Variants in UNC5D observed in about 807,000 individuals in gnomAD.
UNC5D encodes unc-5 netrin receptor D.
A neutral mutation model predicts 105.4 loss-of-function variants in UNC5D; 39 were observed. The ratio of observed to expected loss-of-function variants is 0.37; its 90% CI spans 0.29 to 0.48. UNC5D has a LOEUF of 0.48. Among genes scored for constraint, UNC5D ranks in the 20% least tolerant of loss-of-function variants. UNC5D has a pLI of 0.98. For missense variants in UNC5D, 991 were observed against 1,202.4 expected (o/e 0.82, Z 2.60); for synonymous variants, 452 against 450.4 (o/e 1.00, Z -0.04).
intron 2 of UNC5D, 53 bp from the exon 3 acceptor site, chr8:35,568,045 T>C: frequency 1.9e-6 from 3 of 1,592,684 alleles, no homozygotes; most frequent in Non-Finnish European, 1.7e-6. Flanking sequence ...AACTTTCTGT[T>C]TGAGAAATAT....
At chr8:35,398,676 T>C (rs1804251560) in intron 1 of UNC5D, among the ~76,000 whole-genome samples, 1 of 152,158 alleles carries the variant, frequency 6.6e-6, no homozygotes, top group South Asian at 2.1e-4. Flanking sequence ...AGGAATTAAT[T>C]TGGTTATCTT....
At chr8:35,739,417 G>C (rs534237464) in intron 11 of UNC5D, among the ~76,000 whole-genome samples, 16 of 152,210 alleles carry the variant, frequency 1.1e-4, no homozygotes, top group Admixed American at 3.9e-4. Flanking sequence ...TCTCCTTGCT[G>C]TTCCTCTCCA....
chr8:35,616,435 G>T (rs1283590151), intron 4 of UNC5D, among the ~76,000 whole-genome samples: 1 of 152,196 alleles, frequency 6.6e-6, no homozygotes, highest in African/African-American at 2.4e-5. Flanking sequence ...CAAGCCTCCT[G>T]CTTTTCCTCC....
intron 7 of UNC5D, among the ~76,000 whole-genome samples, chr8:35,700,396 A>AACTG (rs756052331): frequency 3.9e-5 from 6 of 152,144 alleles, no homozygotes; most frequent in Non-Finnish European, 8.8e-5. Flanking sequence ...AGGGACCCAT[A>AACTG]ACTGACAGTG....
At chr8:35,310,507 C>T (rs1283174747) in intron 1 of UNC5D, among the ~76,000 whole-genome samples, 2 of 152,090 alleles carry the variant, frequency 1.3e-5, no homozygotes, top group Non-Finnish European at 2.9e-5. Flanking sequence ...GTAATCCCAC[C>T]TACAGGGGTG....
intron 1 of UNC5D, among the ~76,000 whole-genome samples, chr8:35,513,104 C>T (rs1257399101): frequency 6.6e-6 from 1 of 152,106 alleles, no homozygotes; most frequent in East Asian, 1.9e-4. Flanking sequence ...TCTAGTATTC[C>T]AGACAGGCTC....
chr8:35,577,625 T>C (rs1254987508), intron 3 of UNC5D, among the ~76,000 whole-genome samples: 1 of 152,242 alleles, frequency 6.6e-6, no homozygotes, highest in Admixed American at 6.5e-5. Context: ...CTCTTTCTTA[T>C]TGTAAAGACA....
intron 1 of UNC5D, among the ~76,000 whole-genome samples, chr8:35,545,856 C>A (rs915138657): frequency 2.0e-5 from 3 of 151,754 alleles, no homozygotes; most frequent in African/African-American, 7.3e-5. Context: ...ACATTCCACC[C>A]TTTTTCTCAT....
At chr8:35,389,307 T>G (rs1314265373) in intron 1 of UNC5D, among the ~76,000 whole-genome samples, 1 of 152,200 alleles carries the variant, frequency 6.6e-6, no homozygotes, top group Admixed American at 6.5e-5. Flanking sequence ...ACTAGGTCAT[T>G]GCACTCATAT....
chr8:35,389,974 T>A (rs1447360879), intron 1 of UNC5D, among the ~76,000 whole-genome samples: 1 of 152,076 alleles, frequency 6.6e-6, no homozygotes, highest in Middle Eastern at 3.2e-3. Context: ...TGAGACAGAG[T>A]AATTCATAAA....
chr8:35,527,983 A>G (rs1814005410), intron 1 of UNC5D, among the ~76,000 whole-genome samples: 1 of 151,760 alleles, frequency 6.6e-6, no homozygotes, highest in African/African-American at 2.4e-5. Context: ...GAAGGATACA[A>G]TATTTAATCA....
chr8:35,429,597 G>A (rs533191539), intron 1 of UNC5D, among the ~76,000 whole-genome samples: 2 of 152,150 alleles, frequency 1.3e-5, no homozygotes, highest in East Asian at 1.9e-4. Flanking sequence ...AGTTATTTAA[G>A]CTTTCTCTAC....
chr8:35,423,555 T>C lies in UNC5D; in HGVS notation c.104-125737T>C, dbSNP rs372740243. On this transcript the variant is annotated intron_variant, in intron 1 of 16. Transcript: ENST00000404895. ...ACTTGTGCATAGAAATTTCCTCAGA[T>C]TTTCAGTGTTTCGGTGTAATAAACA... 3.4e-3 allele frequency among the ~76,000 whole-genome samples: 522 copies of C among 152,334 alleles called. 4 individuals are homozygous for C. Among genetic ancestry groups the C allele is most frequent in the African/African-American group, 0.012 (501 of 41,580 alleles).
chr8:35,793,212 TTACAA>T lies in UNC5D; in HGVS notation c.*2656_*2660del. ...CTGCATGTCAGGATTGCACAGTATG[TTACAA>T]TACAATTTCAAAGAGAACCCACATT... On this transcript the variant is annotated 3_prime_UTR_variant, in exon 17 of 17. Transcript: ENST00000404895. The T allele has an allele frequency of 2.2e-6, 1 of 444,772 alleles. No individual in the cohort carries two copies. Among genetic ancestry groups the T allele is most frequent in the Non-Finnish European group, 4.5e-6 (1 of 221,872 alleles). The allele number at this position is 444,772 out of a possible 1,614,324, so 27.6% of individuals were successfully genotyped here. A position where few individuals can be genotyped will look rare whatever the true frequency, so the allele number is the denominator to read the frequency against.
intron 1 of UNC5D, among the ~76,000 whole-genome samples, chr8:35,252,558 G>A (rs1803780114): frequency 6.6e-6 from 1 of 151,998 alleles, no homozygotes; most frequent in Admixed American, 6.6e-5. Flanking sequence ...CCAATATTAT[G>A]TTTCATCTGT....
intron 4 of UNC5D, 61 bp from the exon 5 acceptor site, chr8:35,683,486 C>T: frequency 1.3e-6 from 2 of 1,514,410 alleles, no homozygotes; most frequent in African/African-American, 2.9e-5. Flanking sequence ...GCTCACTTTT[C>T]AATTCCAGAA....
At chr8:35,772,170 G>A (rs950434458) in intron 15 of UNC5D, among the ~76,000 whole-genome samples, 1 of 152,152 alleles carries the variant, frequency 6.6e-6, no homozygotes, top group Admixed American at 6.6e-5. Context: ...TCTAAGAAGA[G>A]CGTATGATAT....
chr8:35,351,346 T>C (rs1812223406), intron 1 of UNC5D, among the ~76,000 whole-genome samples: 1 of 152,096 alleles, frequency 6.6e-6, no homozygotes, highest in East Asian at 1.9e-4. Context: ...TATCCAGGGG[T>C]TTTTACATCC....
At chr8:35,746,426 C>T in intron 11 of UNC5D, among the ~76,000 whole-genome samples, 1 of 144,782 alleles carries the variant, frequency 6.9e-6, no homozygotes, top group African/African-American at 2.6e-5. Flanking sequence ...AAGTTTTGTT[C>T]CTTCACCAGA....
Sources: gnomAD v4.1 joint callset for allele counts (sites outside exome capture counted in the v4.1 genomes callset) on GRCh38, gnomAD v4.1.1 for gene constraint, MANE v1.5 for transcripts, NCBI Gene and HGNC (gene_info 2026-07-23, HGNC 2026-07-21) for gene names.